Variants in NELL2 observed in about 807,000 individuals in gnomAD.
NELL2 encodes the protein protein kinase C-binding protein NELL2.
NELL2 carries 41 observed loss-of-function variants against 109.6 expected under a neutral mutation model. The observed-to-expected ratio is 0.37, with a 90% CI of 0.29 to 0.49. The LOEUF is 0.49. Among genes scored for constraint, NELL2 ranks in the 20% least tolerant of loss-of-function variants. The pLI is 0.98. For missense variants in NELL2, 900 were observed against 1,008.3 expected (o/e 0.89, Z 1.45); for synonymous variants, 355 against 344.7 (o/e 1.03, Z -0.33).
intron 9 of NELL2, among the ~76,000 whole-genome samples, chr12:44,748,383 G>A (rs560431162): frequency 1.3e-5 from 2 of 152,096 alleles, no homozygotes; most frequent in Non-Finnish European, 2.9e-5. Flanking sequence ...AATCTTTATA[G>A]ACAAGGAATC....
intron 9 of NELL2, among the ~76,000 whole-genome samples, chr12:44,760,465 G>A (rs1941075363): frequency 6.6e-6 from 1 of 152,102 alleles, no homozygotes; most frequent in African/African-American, 2.4e-5. Context: ...AAAGACGAGT[G>A]ATGGTAGATT....
chr12:44,738,226 A>T (rs555242571), intron 9 of NELL2, among the ~76,000 whole-genome samples: 1 of 152,300 alleles, frequency 6.6e-6, no homozygotes, highest in East Asian at 1.9e-4. Context: ...CAAGTAACCA[A>T]GTGCCTCAAT....
intron 15 of NELL2, among the ~76,000 whole-genome samples, chr12:44,598,895 T>A (rs1309873604): frequency 3.4e-4 from 38 of 113,072 alleles, no homozygotes; most frequent in Middle Eastern, 5.3e-3. Flanking sequence ...TCTCTCTCTC[T>A]CTCTCTCTCT....
upstream of NELL2, among the ~76,000 whole-genome samples, chr12:44,878,477 G>C (rs944729069): frequency 6.6e-6 from 1 of 152,090 alleles, no homozygotes; most frequent in African/African-American, 2.4e-5. Flanking sequence ...TAACATTTTG[G>C]GGCTGGATAA....
intron 1 of NELL2, among the ~76,000 whole-genome samples, chr12:44,907,209 C>T (rs1401062111): frequency 6.6e-6 from 1 of 152,100 alleles, no homozygotes; most frequent in African/African-American, 2.4e-5. Context: ...TCATAAATTA[C>T]CCAGTCTCGG....
At chr12:44,782,831 T>C (rs554545076) in intron 3 of NELL2, among the ~76,000 whole-genome samples, 17 of 151,960 alleles carry the variant, frequency 1.1e-4, no homozygotes, top group Non-Finnish European at 1.5e-5. Context: ...TCAACAATTA[T>C]TTGAACAACT....
chr12:44,587,271 C>CAAAAA (rs1194091069), intron 15 of NELL2, among the ~76,000 whole-genome samples: 320 of 28,008 alleles, frequency 0.011, 12 homozygotes, highest in African/African-American at 0.038. Context: ...GACTCCGTCT[C>CAAAAA]AAAAAAAAAA....
intron 3 of NELL2, among the ~76,000 whole-genome samples, chr12:44,790,623 C>T (rs1023646258): frequency 3.3e-5 from 5 of 150,992 alleles, no homozygotes; most frequent in Admixed American, 6.6e-5. Context: ...AAAGTACACA[C>T]GCAACAAAGA....
At chr12:44,778,298 C>T (rs993723530) in intron 5 of NELL2, among the ~76,000 whole-genome samples, 2 of 152,010 alleles carry the variant, frequency 1.3e-5, no homozygotes, top group Non-Finnish European at 2.9e-5. Context: ...TCAATGTGAA[C>T]GATAAATATT....
At chr12:44,617,446 G>T (rs1945863834) in intron 13 of NELL2, among the ~76,000 whole-genome samples, 1 of 106,122 alleles carries the variant, frequency 9.4e-6, no homozygotes, top group Non-Finnish European at 1.8e-5. Flanking sequence ...CCAGCACTTT[G>T]GGAGGCCGAG....
chr12:44,892,723 G>T (rs1055076903), intron 1 of NELL2, among the ~76,000 whole-genome samples: 1 of 150,388 alleles, frequency 6.6e-6, no homozygotes, highest in Non-Finnish European at 1.5e-5. Context: ...GCGTGAACCC[G>T]GGAGGCGGAG....
chr12:44,687,823 T>G (rs1948775592), intron 12 of NELL2, among the ~76,000 whole-genome samples: 1 of 152,226 alleles, frequency 6.6e-6, no homozygotes, highest in Admixed American at 6.5e-5. Context: ...TTTAAAGCTG[T>G]TAATCATGTG....
At chr12:44,815,831 C>G in intron 3 of NELL2, 155 bp downstream of exon 3, 1 of 691,262 alleles carries the variant, frequency 1.4e-6, no homozygotes, top group East Asian at 3.2e-5. Flanking sequence ...ATTGGTCAGG[C>G]TGGTCTTGAA....
chr12:44,713,756 C>A (rs926918283), intron 10 of NELL2, among the ~76,000 whole-genome samples: 3 of 151,840 alleles, frequency 2.0e-5, no homozygotes, highest in Admixed American at 2.0e-4. Flanking sequence ...TGGATAGCTT[C>A]TTTCAGATTC....
At position 44,728,480 on chromosome 12, in the gene NELL2, G is replaced by A. The variant is rs567748407; in HGVS notation, c.995-13739C>T. ...TAAAAAAGAATAAAGAAAGCCTAAA[G>A]GACTTATGGGATAACATCAAGTGAA... On this transcript the variant is annotated intron_variant, in intron 9 of 19. Coordinates refer to ENST00000429094, the MANE Select transcript of NELL2 (RefSeq NM_001145108.2). Among the ~76,000 whole-genome samples, 3 of 152,118 alleles carry A rather than the reference G, an allele frequency of 2.0e-5. No homozygotes were observed. In the East Asian group the frequency reaches 5.8e-4, roughly 29 times the overall value.
At chr12:44,552,853 G>A (rs1165267202) in intron 15 of NELL2, among the ~76,000 whole-genome samples, 1 of 152,030 alleles carries the variant, frequency 6.6e-6, no homozygotes, top group African/African-American at 2.4e-5. Context: ...GATCCCAACT[G>A]TGCCATAAAA....
At chr12:44,883,373 A>ACT (rs35858577) in intron 1 of NELL2, among the ~76,000 whole-genome samples, 43,557 of 151,288 alleles carry the variant, frequency 0.29, 7,448 homozygotes, top group South Asian at 0.57. Context: ...CTCACACTAC[A>ACT]CTCTCTCTGG....
intron 15 of NELL2, among the ~76,000 whole-genome samples, chr12:44,556,821 G>A (rs1043302798): frequency 3.3e-5 from 5 of 152,164 alleles, no homozygotes; most frequent in South Asian, 2.1e-4. Context: ...CCAAACAAAG[G>A]GAAGAGCCTG....
intron 15 of NELL2, among the ~76,000 whole-genome samples, chr12:44,560,374 T>C (rs577986822): frequency 6.6e-6 from 1 of 152,044 alleles, no homozygotes; most frequent in Non-Finnish European, 1.5e-5. Flanking sequence ...TTTCAAAAAA[T>C]GAATGAATCC....
Sources: allele counts gnomAD v4.1 joint callset (sites outside exome capture counted in the v4.1 genomes callset), GRCh38; gene constraint gnomAD v4.1.1; transcripts MANE v1.5; gene names NCBI Gene and HGNC (gene_info 2026-07-23, HGNC 2026-07-21).